Variants in SEZ6L2 observed in about 807,000 individuals in gnomAD.
SEZ6L2 encodes the protein seizure related 6 homolog like 2, also known as seizure 6-like protein 2.
SEZ6L2 carries 44 observed loss-of-function variants against 97.0 expected under a neutral mutation model. That is an observed-to-expected ratio of 0.45 (90% CI 0.36 to 0.58). The LOEUF is 0.58. SEZ6L2 is among the 20% of genes least tolerant of loss of function. SEZ6L2 has a pLI of 0.00. For synonymous variants in SEZ6L2, 543 were observed against 546.1 expected (o/e 0.99, Z 0.08); for missense variants, 1,086 against 1,233.3 (o/e 0.88, Z 1.79).
At chr16:29,894,754 G>A (rs1202419078) in intron 5 of SEZ6L2, among the ~76,000 whole-genome samples, 1 of 152,064 alleles carries the variant, frequency 6.6e-6, no homozygotes, top group Non-Finnish European at 1.5e-5. Flanking sequence ...ATTGTCCCTC[G>A]GATGTGTGCA....
Position 29,887,822 on chromosome 16 carries a change from G to A in SEZ6L2, c.1040-5C>T. ...GGATGGTGCCACCACAGGATGCTGT[G>A]GGCAGAGGAGGGGTACGTTAAGGCC... On this transcript the variant is annotated splice_polypyrimidine_tract_variant and splice_region_variant and intron_variant, in intron 6 of 17. Coordinates refer to ENST00000617533, the MANE Select transcript of SEZ6L2 (RefSeq NM_001243332.2). 2 of 1,613,474 alleles carry A rather than the reference G, an allele frequency of 1.2e-6. No individual in the cohort carries two copies. Among genetic ancestry groups the A allele is most frequent in the Non-Finnish European group, 1.7e-6 (2 of 1,179,874 alleles).
At chr16:29,898,295 T>C (rs2068450761) in intron 1 of SEZ6L2, among the ~76,000 whole-genome samples, 1 of 152,184 alleles carries the variant, frequency 6.6e-6, no homozygotes, top group South Asian at 2.1e-4. Flanking sequence ...CTGCCTTCCC[T>C]TTCACCTCAG....
At chr16:29,889,432 T>A (rs570562871) in intron 5 of SEZ6L2, among the ~76,000 whole-genome samples, 1 of 150,574 alleles carries the variant, frequency 6.6e-6, no homozygotes, top group South Asian at 2.1e-4. Context: ...AGAGCAAAAC[T>A]CTGTCTCAAA....
chr16:29,872,817 G>C (rs974814941), intron 14 of SEZ6L2, 74 bp from the exon 15 acceptor site: 2 of 1,268,264 alleles, frequency 1.6e-6, no homozygotes, highest in African/African-American at 2.9e-5. Flanking sequence ...CCGGGAGCCC[G>C]GTGGGGCTGG....
intron 10 of SEZ6L2, among the ~76,000 whole-genome samples, chr16:29,877,704 A>G (rs1310662317): frequency 6.6e-6 from 1 of 152,062 alleles, no homozygotes; most frequent in Non-Finnish European, 1.5e-5. Flanking sequence ...CCAATCCCTA[A>G]GCTTGCACAT....
At position 29,873,393 on chromosome 16, in the gene SEZ6L2, T is replaced by A. The variant is rs1412247175; in HGVS notation, c.2335A>T (p.Asn779Tyr). The A allele has an allele frequency of 6.2e-7, 1 of 1,614,038 alleles. No homozygotes were observed. Among genetic ancestry groups the A allele is most frequent in the Non-Finnish European group, 8.5e-7 (1 of 1,180,038 alleles). ...TGCTTGTACAGCGTCTGGTAGCCAT[T>A]CTCGGGAACCCCCGGGTTCAGGCAC... ...EPCLNPGVPENGYQTLYKHHY... is the reference protein window; with the variant it reads ...EPCLNPGVPEYGYQTLYKHHY... The change falls in exon 14 of 18, where the codon AAT becomes TAT. Residue 779 changes from asparagine (N) to tyrosine (Y), a missense_variant. Physicochemically the swap from Asn to Tyr is moderately radical, Grantham distance 143. This residue lies in a region of SEZ6L2 where 310 missense variants were observed against 438.6 expected (regional missense o/e 0.71). Coordinates refer to ENST00000617533, the MANE Select transcript of SEZ6L2 (RefSeq NM_001243332.2). This position sits in a 1 kb window ranked among gnomAD's most constrained non-coding sequence, Gnocchi z 4.3.
chr16:29,889,638 TTTTTTTTG>T, intron 5 of SEZ6L2, among the ~76,000 whole-genome samples: 1 of 124,748 alleles, frequency 8.0e-6, no homozygotes, highest in Non-Finnish European at 1.6e-5. Context: ...TTTTTTTTTT[TTTTTTTTG>T]AGATAGGGTC....
chr16:29,872,128 G>T, intron 17 of SEZ6L2, 59 bp downstream of exon 17: 1 of 1,356,294 alleles, frequency 7.4e-7, no homozygotes, highest in Non-Finnish European at 1.0e-6. Context: ...CTTGCGAGAA[G>T]GTTATGGAGT....
At chr16:29,894,859 C>A (rs532074932) in intron 5 of SEZ6L2, among the ~76,000 whole-genome samples, 1 of 152,068 alleles carries the variant, frequency 6.6e-6, no homozygotes, top group Non-Finnish European at 1.5e-5. Context: ...CCCTTCGGCA[C>A]CCTGTGCTTC....
intron 12 of SEZ6L2, among the ~76,000 whole-genome samples, chr16:29,874,556 T>TG (rs2067860977): frequency 1.4e-5 from 1 of 71,950 alleles, no homozygotes; most frequent in South Asian, 4.7e-4. Flanking sequence ...GCTTGTTTTT[T>TG]TTTTTTTTTT....
rs1273281756 is a variant in SEZ6L2, at chr16:29,872,083, G to A, written c.2742+104C>T. 5.3e-6 allele frequency: 5 copies of A among 943,150 alleles called. No individual in the cohort carries two copies. The Admixed American group carries it at 8.0e-5, about 15-fold the overall frequency. The allele number at this position is 943,150 out of a possible 1,614,324, so 58.4% of individuals were successfully genotyped here. A position where few individuals can be genotyped will look rare whatever the true frequency, so the allele number is the denominator to read the frequency against. On this transcript the variant is annotated intron_variant, in intron 17 of 17. Transcript: ENST00000617533. ...ATTGACATGGCCTCTGGGGGCAGCT[G>A]AGTTTGAAATTCCCAAGACAGAGAT...
In SEZ6L2 at chr16:29,876,637, G is replaced by C; in HGVS notation, c.2104+119C>G. On this transcript the variant is annotated intron_variant, in intron 12 of 17. Coordinates refer to ENST00000617533, the MANE Select transcript of SEZ6L2 (RefSeq NM_001243332.2). This position sits in a 1 kb window ranked among gnomAD's most constrained non-coding sequence, Gnocchi z 6.5. ...GGGGCAGGCCTTGAAGAAGATCCAG[G>C]AAGGACCCCGAGCGAAGGGATGGAA... The C allele has an allele frequency of 1.1e-6, 1 of 923,906 alleles. No homozygotes were observed. Among genetic ancestry groups the C allele is most frequent in the East Asian group, 2.7e-5 (1 of 37,168 alleles). 57.2% of individuals were successfully genotyped at this position (923,906 alleles called of 1,614,324 possible). A position where few individuals can be genotyped will look rare whatever the true frequency, so the allele number is the denominator to read the frequency against.
At position 29,889,614 on chromosome 16, in the gene SEZ6L2, CTTTTTTTTTTTTTTT is replaced by C. The variant is rs869108927; in HGVS notation, c.854-904_854-890del. ...CATCCAGAAGAACCACTTGAAACTT[CTTTTTTTTTTTTTTT>C]TTTTTTTTTTTTTTTTGAGATAGGG... On this transcript the variant is annotated intron_variant, in intron 5 of 17. Coordinates refer to ENST00000617533, the MANE Select transcript of SEZ6L2 (RefSeq NM_001243332.2). Among the ~76,000 whole-genome samples, 2,902 of 70,720 alleles carry C rather than the reference CTTTTTTTTTTTTTTT, an allele frequency of 0.041. 372 individuals carry two copies. In the East Asian group the frequency reaches 0.48, roughly 12 times the overall value. The allele number at this position is 70,720 out of a possible 152,430, so 46.4% of individuals were successfully genotyped here.
At chr16:29,891,605 C>T (rs1327851344) in intron 5 of SEZ6L2, among the ~76,000 whole-genome samples, 1 of 151,938 alleles carries the variant, frequency 6.6e-6, no homozygotes. Flanking sequence ...TGTGCCATTG[C>T]ACTCCAGCCT....
intron 5 of SEZ6L2, among the ~76,000 whole-genome samples, chr16:29,894,549 C>T (rs923548158): frequency 1.3e-5 from 2 of 151,942 alleles, no homozygotes; most frequent in Non-Finnish European, 1.5e-5. Context: ...GTGCTGCCCC[C>T]GCTGGTGTTT....
chr16:29,871,391 G>T lies in SEZ6L2; in HGVS notation c.*308C>A, dbSNP rs760545960. 1 of 508,894 alleles carries T rather than the reference G, an allele frequency of 2.0e-6. No homozygotes were observed. Among genetic ancestry groups the T allele is most frequent in the East Asian group, 3.5e-5 (1 of 28,644 alleles). 31.5% of individuals were successfully genotyped at this position (508,894 alleles called of 1,614,324 possible). ...AGCTATCGGGGGCAGTCCTTGAGGG[G>T]TGCCCTGGGCAGGAGGGGCTGCAAG... On this transcript the variant is annotated 3_prime_UTR_variant, in exon 18 of 18. Transcript: ENST00000617533.
Position 29,876,959 on chromosome 16 carries a change from G to C in SEZ6L2, c.1910-9C>G. 1 of 1,587,948 alleles carries C rather than the reference G, an allele frequency of 6.3e-7. No homozygotes were observed. The highest frequency in any genetic ancestry group is 8.6e-7 in the Non-Finnish European group (1 of 1,162,026). ...GTCGTTCCTCGGGACCTCTGCAGGG[G>C]AGGGAAGGCGAGTTTGGAGGCTGCG... On this transcript the variant is annotated splice_polypyrimidine_tract_variant and intron_variant, in intron 11 of 17. Coordinates refer to ENST00000617533, the MANE Select transcript of SEZ6L2 (RefSeq NM_001243332.2). This position sits in a 1 kb window ranked among gnomAD's most constrained non-coding sequence, Gnocchi z 6.5.
rs1029108262 is a variant in SEZ6L2, at chr16:29,871,553, C to T, written c.*146G>A. 5 of 799,624 alleles carry T rather than the reference C, an allele frequency of 6.3e-6. No homozygotes were observed. Among genetic ancestry groups the T allele is most frequent in the Non-Finnish European group, 1.1e-5 (5 of 467,398 alleles). 49.5% of individuals were successfully genotyped at this position (799,624 alleles called of 1,614,324 possible). On this transcript the variant is annotated 3_prime_UTR_variant, in exon 18 of 18. Transcript: ENST00000617533. ...TTATTTACTGTAGGATCTCCAGGGC[C>T]ATCAAAGCCCCCTCGTGGGATAGGG...
chr16:29,874,559 T>TG (rs2067861463), intron 12 of SEZ6L2, among the ~76,000 whole-genome samples: 1 of 79,372 alleles, frequency 1.3e-5, no homozygotes, highest in Non-Finnish European at 2.4e-5. Context: ...TGTTTTTTTT[T>TG]TTTTTTTTTT....
Sources: allele counts gnomAD v4.1 joint callset (sites outside exome capture counted in the v4.1 genomes callset), GRCh38; gene constraint gnomAD v4.1.1; regional missense constraint gnomAD v4.1.1; non-coding constraint Gnocchi (gnomAD v3.1); transcripts MANE v1.5; gene names NCBI Gene and HGNC (gene_info 2026-07-23, HGNC 2026-07-21).